The following LINGO2 variants were observed in gnomAD, a reference collection of about 807,000 sequenced individuals.
The protein encoded by LINGO2 is leucine rich repeat and Ig domain containing 2, also known as leucine-rich repeat and immunoglobulin-like domain-containing nogo receptor-interacting protein 2.
Under a neutral mutation model 30.6 loss-of-function variants are expected in LINGO2, and 14 were observed. The observed-to-expected ratio is 0.46, with a 90% CI of 0.30 to 0.72. LINGO2 has a LOEUF of 0.72. Ranked by LOEUF, LINGO2 falls within the 30% of genes least tolerant of loss-of-function variation. The probability of loss-of-function intolerance (pLI) is 0.07; values close to 1 mark genes in which losing one functional copy is unlikely to be tolerated. For synonymous variants in LINGO2, 317 were observed against 288.5 expected (o/e 1.10, Z -1.00); for missense variants, 729 against 751.7 (o/e 0.97, Z 0.35).
chr9:28,369,637 G>C (rs1434386137), intron 3 of LINGO2, among the ~76,000 whole-genome samples: 1 of 152,186 alleles, frequency 6.6e-6, no homozygotes, highest in African/African-American at 2.4e-5. Flanking sequence ...TAGTAAGAGA[G>C]ACTAGGTTGA....
chr9:29,012,593 A>G, the LINGO2 span, among the ~76,000 whole-genome samples: 10 of 152,136 alleles, frequency 6.6e-5, no homozygotes, highest in Admixed American at 6.6e-4. Flanking sequence ...GGTAAGTAAT[A>G]TTAAATATTA....
intron 4 of LINGO2, among the ~76,000 whole-genome samples, chr9:28,170,099 A>G (rs1828539821): frequency 6.6e-6 from 1 of 152,218 alleles, no homozygotes; most frequent in Non-Finnish European, 1.5e-5. Flanking sequence ...CTAAGTTTCT[A>G]TCACTTGGAA....
chr9:28,682,715 T>C, the LINGO2 span, among the ~76,000 whole-genome samples: 3 of 152,108 alleles, frequency 2.0e-5, no homozygotes, highest in Non-Finnish European at 4.4e-5. Flanking sequence ...TTAAAATAAT[T>C]TGCAAGGGGT....
At chr9:28,263,774 A>G (rs1453419841) in intron 4 of LINGO2, among the ~76,000 whole-genome samples, 1 of 151,968 alleles carries the variant, frequency 6.6e-6, no homozygotes, top group Non-Finnish European at 1.5e-5. Flanking sequence ...TGTGGCATTT[A>G]GCTTTAGAAA....
intron 4 of LINGO2, among the ~76,000 whole-genome samples, chr9:28,261,686 A>G (rs1471026888): frequency 6.6e-6 from 1 of 151,838 alleles, no homozygotes; most frequent in Non-Finnish European, 1.5e-5. Context: ...AAAAAAATCC[A>G]CCTTAATTTA....
intron 3 of LINGO2, among the ~76,000 whole-genome samples, chr9:28,353,545 A>C (rs940360047): frequency 6.6e-6 from 1 of 151,258 alleles, no homozygotes; most frequent in Non-Finnish European, 1.5e-5. Flanking sequence ...ACACTTTTAC[A>C]CTGTTGGTGG....
chr9:28,087,059 G>C (rs1439405510), intron 4 of LINGO2, among the ~76,000 whole-genome samples: 2 of 152,080 alleles, frequency 1.3e-5, no homozygotes, highest in Non-Finnish European at 2.9e-5. Flanking sequence ...ACTCTCTGCT[G>C]TACCTTTGGA....
the LINGO2 span, among the ~76,000 whole-genome samples, chr9:29,183,467 C>A: frequency 6.6e-6 from 1 of 152,032 alleles, no homozygotes; most frequent in South Asian, 2.1e-4. Flanking sequence ...TTTTGGAGTT[C>A]AAAAAGTAAG....
At chr9:28,994,225 C>G in the LINGO2 span, among the ~76,000 whole-genome samples, 2 of 152,148 alleles carry the variant, frequency 1.3e-5, no homozygotes, top group Non-Finnish European at 2.9e-5. Context: ...GCACCAATAA[C>G]AGACAAACAT....
chr9:29,085,277 TAAGTAAAAAAAAAAAAA>T, the LINGO2 span, among the ~76,000 whole-genome samples: 1 of 31,668 alleles, frequency 3.2e-5, no homozygotes. Context: ...TAGCCTATGG[TAAGTAAAAAAAAAAAAA>T]AAAAAAAAAA....
downstream of LINGO2, among the ~76,000 whole-genome samples, chr9:27,947,479 CT>C (rs1823410459): frequency 6.6e-6 from 1 of 152,072 alleles, no homozygotes; most frequent in East Asian, 1.9e-4. Flanking sequence ...TTTAATCCAC[CT>C]TGTTTTTTCT....
intron 1 of LINGO2, among the ~76,000 whole-genome samples, chr9:28,491,769 A>G (rs1370061978): frequency 6.6e-6 from 1 of 152,168 alleles, no homozygotes; most frequent in Non-Finnish European, 1.5e-5. Context: ...AGTTTATAAA[A>G]CAGGCTCCAA....
At chr9:28,564,827 G>A (rs111587208) in intron 1 of LINGO2, among the ~76,000 whole-genome samples, 6 of 152,158 alleles carry the variant, frequency 3.9e-5, no homozygotes, top group African/African-American at 1.4e-4. Context: ...GCCACATTTC[G>A]AGTCTTCAAT....
At chr9:28,931,849 C>A in the LINGO2 span, among the ~76,000 whole-genome samples, 1 of 149,906 alleles carries the variant, frequency 6.7e-6, no homozygotes, top group South Asian at 2.1e-4. Flanking sequence ...GTGGCTCATG[C>A]CTGTAATCCC....
chr9:29,201,083 C>T, the LINGO2 span, among the ~76,000 whole-genome samples: 6 of 152,036 alleles, frequency 3.9e-5, no homozygotes, highest in Non-Finnish European at 4.4e-5. Flanking sequence ...TGCATTGTAA[C>T]ATTACTTTTT....
chr9:27,983,307 G>A (rs972307816), intron 5 of LINGO2, among the ~76,000 whole-genome samples: 8 of 151,814 alleles, frequency 5.3e-5, no homozygotes, highest in African/African-American at 9.7e-5. Context: ...CTGGTGTTCC[G>A]TATCATAAAT....
intron 4 of LINGO2, among the ~76,000 whole-genome samples, chr9:28,197,955 A>C (rs1160603052): frequency 6.6e-6 from 1 of 152,080 alleles, no homozygotes; most frequent in Non-Finnish European, 1.5e-5. Context: ...CACAGGAAAA[A>C]TGAGTAAAAT....
chr9:29,105,641 T>C, the LINGO2 span, among the ~76,000 whole-genome samples: 1 of 152,202 alleles, frequency 6.6e-6, no homozygotes, highest in African/African-American at 2.4e-5. Context: ...CAACTGATTT[T>C]GAGCTAAATA....
At chr9:28,825,470 T>C in the LINGO2 span, among the ~76,000 whole-genome samples, 1 of 151,874 alleles carries the variant, frequency 6.6e-6, no homozygotes, top group Non-Finnish European at 1.5e-5. Flanking sequence ...AGAAGCTTTC[T>C]ACTAAACTCA....
Sources: allele counts gnomAD v4.1 joint callset (sites outside exome capture counted in the v4.1 genomes callset), GRCh38; gene constraint gnomAD v4.1.1; transcripts MANE v1.5; gene names NCBI Gene and HGNC (gene_info 2026-07-23, HGNC 2026-07-21).